The following ITGAV variants were observed in gnomAD, a reference collection of about 807,000 sequenced individuals.
The protein encoded by ITGAV is integrin alpha-V.
Under a neutral mutation model 143.8 loss-of-function variants are expected in ITGAV, and 76 were observed. That is an observed-to-expected ratio of 0.53 (90% CI 0.44 to 0.64). ITGAV has a LOEUF of 0.64. ITGAV is among the 30% of genes least tolerant of loss of function. The probability of loss-of-function intolerance (pLI) is 0.00; values close to 1 mark genes in which losing one functional copy is unlikely to be tolerated. For synonymous variants in ITGAV, 453 were observed against 446.7 expected (o/e 1.01, Z -0.18); for missense variants, 1,193 against 1,274.7 (o/e 0.94, Z 0.98).
chr2:186,655,007 T>C (rs928347648), intron 16 of ITGAV, among the ~76,000 whole-genome samples: 3 of 152,140 alleles, frequency 2.0e-5, no homozygotes, highest in African/African-American at 7.2e-5. Context: ...TGGGGAAATA[T>C]GAATATTATG....
chr2:186,613,515 T>A (rs1161572654), intron 2 of ITGAV, among the ~76,000 whole-genome samples: 1 of 152,194 alleles, frequency 6.6e-6, no homozygotes, highest in Non-Finnish European at 1.5e-5. Flanking sequence ...TCTGGATAGT[T>A]CTATATAAAT....
intron 2 of ITGAV, among the ~76,000 whole-genome samples, chr2:186,607,974 G>T (rs942242840): frequency 1.3e-5 from 2 of 152,158 alleles, no homozygotes; most frequent in African/African-American, 4.8e-5. Flanking sequence ...GACTCTGGAA[G>T]CTATGGCTAT....
intron 2 of ITGAV, among the ~76,000 whole-genome samples, chr2:186,608,221 C>G (rs1034095998): frequency 1.3e-5 from 2 of 152,124 alleles, no homozygotes; most frequent in African/African-American, 2.4e-5. Flanking sequence ...TATATCCTTG[C>G]AAGTAGATTG....
At chr2:186,590,601 T>C in intron 1 of ITGAV, 78 bp downstream of exon 1, 1 of 1,346,200 alleles carries the variant, frequency 7.4e-7, no homozygotes, top group Non-Finnish European at 1.0e-6. Context: ...CCATTGGGAT[T>C]GATTTCCGAG....
intron 2 of ITGAV, among the ~76,000 whole-genome samples, chr2:186,620,710 C>T (rs1687497130): frequency 6.6e-6 from 1 of 152,126 alleles, no homozygotes; most frequent in African/African-American, 2.4e-5. Context: ...CCACAGTGAG[C>T]TGTGATCACA....
chr2:186,650,361 G>A (rs116135748), intron 14 of ITGAV, among the ~76,000 whole-genome samples: 3,793 of 151,788 alleles, frequency 0.025, 71 homozygotes, highest in Non-Finnish European at 0.032. Context: ...CTACCACACC[G>A]GCTAATTTTT....
chr2:186,600,777 G>T (rs1476476941), intron 1 of ITGAV, among the ~76,000 whole-genome samples: 2 of 148,272 alleles, frequency 1.3e-5, no homozygotes, highest in African/African-American at 5.0e-5. Context: ...TGACCAATAT[G>T]GTGAAACCCT....
rs374417690 is a variant in ITGAV at position 186,677,293 on chromosome 2, C to T, written c.*1C>T. 6.2e-6 allele frequency: 10 copies of T among 1,606,654 alleles called. No homozygotes were observed. In the African/African-American group the frequency reaches 1.1e-4, roughly 17 times the overall value. On this transcript the variant is annotated 3_prime_UTR_variant, in exon 30 of 30. Transcript: ENST00000261023. The stretch of plus-strand genomic sequence containing the variant: ...TGGTGAAGGAAACTCAGAAACTTAA[C>T]TGCAGTTTTTAAGTTATGCTACATC...
At chr2:186,606,792 C>G (rs909489408) in intron 2 of ITGAV, among the ~76,000 whole-genome samples, 5 of 152,088 alleles carry the variant, frequency 3.3e-5, no homozygotes, top group Non-Finnish European at 7.4e-5. Context: ...CCAATAGAAT[C>G]ACTGTTGGGT....
chr2:186,669,921 T>A, intron 26 of ITGAV, 107 bp downstream of exon 26: 1 of 745,470 alleles, frequency 1.3e-6, no homozygotes, highest in Non-Finnish European at 2.3e-6. Flanking sequence ...CTTGAACAAC[T>A]ACATTTATTT....
intron 18 of ITGAV, among the ~76,000 whole-genome samples, 155 bp downstream of exon 18, chr2:186,659,330 T>C (rs1226860269): frequency 6.6e-6 from 1 of 152,048 alleles, no homozygotes; most frequent in Non-Finnish European, 1.5e-5. Flanking sequence ...TTTTTTCTTT[T>C]TGGTTTTTAT....
At chr2:186,658,138 G>T (rs1331419912) in intron 17 of ITGAV, among the ~76,000 whole-genome samples, 2 of 152,038 alleles carry the variant, frequency 1.3e-5, no homozygotes, top group East Asian at 1.9e-4. Context: ...AACCAAGTTG[G>T]ATTTATCCTA....
Position 186,593,079 on chromosome 2 carries a change from GA to G in ITGAV, c.185+2563del, listed in dbSNP as rs545581296. ...TTGGTATTACCATAAACTTTTAAAAGAAAAAAAGCCACATAATGAAAAAGTA... is the reference window on the plus strand; with the variant it reads ...TTGGTATTACCATAAACTTTTAAAAGAAAAAAGCCACATAATGAAAAAGTA... On this transcript the variant is annotated intron_variant, in intron 1 of 29. Transcript: ENST00000261023. Among the ~76,000 whole-genome samples the G allele has an allele frequency of 5.4e-3, 828 of 152,080 alleles. 9 individuals carry two copies. Among genetic ancestry groups the G allele is most frequent in the African/African-American group, 0.019 (777 of 41,520 alleles).
At chr2:186,673,602 TTG>T (rs1689125386) in intron 26 of ITGAV, among the ~76,000 whole-genome samples, 2 of 152,176 alleles carry the variant, frequency 1.3e-5, no homozygotes. Context: ...TGTACTTGTC[TTG>T]CACATCCTTG....
At chr2:186,625,878 A>G (rs1687664874) in intron 4 of ITGAV, among the ~76,000 whole-genome samples, 1 of 152,124 alleles carries the variant, frequency 6.6e-6, no homozygotes, top group African/African-American at 2.4e-5. Context: ...AACAGTCAAA[A>G]GATGCTTAGT....
chr2:186,648,199 A>G (rs1321781480), intron 13 of ITGAV, among the ~76,000 whole-genome samples: 1 of 151,986 alleles, frequency 6.6e-6, no homozygotes, highest in Non-Finnish European at 1.5e-5. Context: ...TCTTTTGCAT[A>G]TCTCTGATTA....
At chr2:186,602,191 T>A in intron 2 of ITGAV, 40 bp downstream of exon 2, 1 of 1,582,498 alleles carries the variant, frequency 6.3e-7, no homozygotes. Context: ...TTGATTTCAT[T>A]TGATTTTTTT....
intron 27 of ITGAV, 23 bp from the exon 28 acceptor site, chr2:186,675,797 A>G (rs200743337): frequency 1.9e-6 from 3 of 1,563,196 alleles, no homozygotes; most frequent in Non-Finnish European, 2.6e-6. Context: ...CTGGGAAATC[A>G]TCTAATTGTT....
At chr2:186,597,327 A>G (rs566643997) in intron 1 of ITGAV, among the ~76,000 whole-genome samples, 1 of 152,370 alleles carries the variant, frequency 6.6e-6, no homozygotes, top group East Asian at 1.9e-4. Flanking sequence ...ATGTTACACA[A>G]GGAAATTGTT....
Sources: gnomAD v4.1 joint callset for allele counts (sites outside exome capture counted in the v4.1 genomes callset) on GRCh38, gnomAD v4.1.1 for gene constraint, MANE v1.5 for transcripts, NCBI Gene and HGNC (gene_info 2026-07-23, HGNC 2026-07-21) for gene names.